The following MAGI1 variants were observed in gnomAD, a reference collection of about 807,000 sequenced individuals.
The protein encoded by MAGI1 is membrane-associated guanylate kinase, WW and PDZ domain-containing protein 1.
Under a neutral mutation model 139.9 loss-of-function variants are expected in MAGI1, and 58 were observed. That is an observed-to-expected ratio of 0.41 (90% confidence interval 0.34 to 0.52). The LOEUF is 0.52. MAGI1 is among the 20% of genes least tolerant of loss of function. The probability of loss-of-function intolerance (pLI) is 0.12; values close to 1 mark genes in which losing one functional copy is unlikely to be tolerated. For missense variants in MAGI1, 1,874 were observed against 1,901.6 expected (o/e 0.99, Z 0.27); for synonymous variants, 812 against 737.9 (o/e 1.10, Z -1.63).
chr3:66,017,285 C>T (rs12634431), intron 1 of MAGI1, among the ~76,000 whole-genome samples: 16,467 of 152,246 alleles, frequency 0.11, 1,022 homozygotes, highest in Middle Eastern at 0.18. Flanking sequence ...GCGCAGGGCG[C>T]GGCTGCAGAT....
chr3:65,751,245 A>G lies in MAGI1; in HGVS notation c.314-129157T>C, dbSNP rs139035700. On this transcript the variant is annotated intron_variant, in intron 1 of 22. Transcript: ENST00000402939. ...TAGCTCAGAGACCTGAAATAAATGT[A>G]AAGATCCTTCAGCTGGAGGCTTCTC... Among the ~76,000 whole-genome samples the G allele has an allele frequency of 6.5e-3, 987 of 152,334 alleles. 28 individuals carry two copies. The highest frequency in any genetic ancestry group is 0.043 in the East Asian group (223 of 5,182).
chr3:65,979,088 T>TCCCCCCCCCCCCCCCC (rs200894076), intron 1 of MAGI1, among the ~76,000 whole-genome samples: 19 of 52,968 alleles, frequency 3.6e-4, no homozygotes, highest in African/African-American at 4.2e-4. Context: ...TTTCTTTTCT[T>TCCCCCCCCCCCCCCCC]CCCCCCCCCC....
intron 1 of MAGI1, among the ~76,000 whole-genome samples, chr3:66,000,414 C>T (rs2066683324): frequency 6.6e-6 from 1 of 152,090 alleles, no homozygotes; most frequent in East Asian, 1.9e-4. Flanking sequence ...TCTTCCTACC[C>T]CAATTAAATT....
chr3:65,806,427 C>CAA (rs59762065), intron 1 of MAGI1, among the ~76,000 whole-genome samples: 29 of 141,750 alleles, frequency 2.0e-4, no homozygotes, highest in African/African-American at 6.9e-4. Flanking sequence ...AACTCCATTT[C>CAA]AAAAAAAAAA....
At chr3:65,704,524 C>T (rs1271001205) in intron 1 of MAGI1, among the ~76,000 whole-genome samples, 2 of 152,156 alleles carry the variant, frequency 1.3e-5, no homozygotes, top group African/African-American at 4.8e-5. Flanking sequence ...TCCTTATTAT[C>T]TCTGTCCAGA....
Position 65,354,747 on chromosome 3 carries a change from C to G in MAGI1, c.*1631G>C, listed in dbSNP as rs903360820. The G allele has an allele frequency of 1.3e-5, 2 of 152,578 alleles. No homozygotes were observed. The highest frequency in any genetic ancestry group is 2.9e-5 in the Non-Finnish European group (2 of 68,028). 9.5% of individuals were successfully genotyped at this position (152,578 alleles called of 1,614,324 possible). On this transcript the variant is annotated 3_prime_UTR_variant, in exon 23 of 23. Coordinates refer to ENST00000402939, the MANE Select transcript of MAGI1 (RefSeq NM_001033057.2). ...TATTCAGAAATATAAACACGTATCACATTCCTCACAGCTAAATTTTGTCAT... is the reference window on the plus strand; with the variant it reads ...TATTCAGAAATATAAACACGTATCAGATTCCTCACAGCTAAATTTTGTCAT...
chr3:65,457,389 G>A (rs1949471080), intron 5 of MAGI1, among the ~76,000 whole-genome samples: 1 of 152,000 alleles, frequency 6.6e-6, no homozygotes. Flanking sequence ...ACCACTCAAA[G>A]ACATCTGGAT....
chr3:66,034,089 C>T (rs1254062032), intron 1 of MAGI1, among the ~76,000 whole-genome samples: 2 of 152,174 alleles, frequency 1.3e-5, no homozygotes, highest in Admixed American at 1.3e-4. Context: ...CCTTGAATCC[C>T]TTAATAAGCC....
At chr3:65,822,096 T>C (rs1017668240) in intron 1 of MAGI1, among the ~76,000 whole-genome samples, 8 of 151,998 alleles carry the variant, frequency 5.3e-5, no homozygotes, top group African/African-American at 1.9e-4. Context: ...GATCAGGTAA[T>C]CCACACTATG....
intron 1 of MAGI1, among the ~76,000 whole-genome samples, chr3:65,647,759 GA>G (rs1248161177): frequency 6.6e-6 from 1 of 152,010 alleles, no homozygotes; most frequent in Non-Finnish European, 1.5e-5. Flanking sequence ...TTCTTTATGT[GA>G]AATTAAAAAA....
chr3:65,541,231 A>T (rs1418025060), intron 2 of MAGI1, among the ~76,000 whole-genome samples: 1 of 152,226 alleles, frequency 6.6e-6, no homozygotes, highest in African/African-American at 2.4e-5. Context: ...GAAGAAGTCG[A>T]ATCCCTGAAA....
chr3:65,798,793 C>CA (rs2108115948), intron 1 of MAGI1, among the ~76,000 whole-genome samples: 1 of 152,238 alleles, frequency 6.6e-6, no homozygotes, highest in South Asian at 2.1e-4. Flanking sequence ...ATAAACAATT[C>CA]ATAAGTTTTA....
chr3:65,368,004 T>C lies in MAGI1; in HGVS notation c.3197-3058A>G, dbSNP rs547885114. ...AGATTTCCAGGATGTTTTTATACTA[T>C]CAATAAAGTTATGCTTGTTTTAATG... On this transcript the variant is annotated intron_variant, in intron 18 of 22. Transcript: ENST00000402939. 3.3e-5 allele frequency among the ~76,000 whole-genome samples: 5 copies of C among 152,324 alleles called. 1 individual carries two copies. The East Asian group carries it at 9.6e-4, about 29-fold the overall frequency.
At chr3:65,404,037 T>C (rs1945128602) in intron 12 of MAGI1, among the ~76,000 whole-genome samples, 1 of 152,184 alleles carries the variant, frequency 6.6e-6, no homozygotes, top group Admixed American at 6.5e-5. Context: ...GAGACAGGTG[T>C]TCCACACACT....
At chr3:65,831,300 C>A (rs1336603992) in intron 1 of MAGI1, among the ~76,000 whole-genome samples, 1 of 152,198 alleles carries the variant, frequency 6.6e-6, no homozygotes, top group African/African-American at 2.4e-5. Context: ...GGAAGATGAA[C>A]AGGGCCACCT....
intron 2 of MAGI1, among the ~76,000 whole-genome samples, chr3:65,581,934 TAGTAGATGTTTGATAAATATC>T (rs2081444573): frequency 6.6e-6 from 1 of 152,166 alleles, no homozygotes; most frequent in Non-Finnish European, 1.5e-5. Flanking sequence ...GCCAGGAACA[TAGTAGATGTTTGATAAATATC>T]TTTTGAAAAA....
intron 1 of MAGI1, among the ~76,000 whole-genome samples, chr3:65,764,483 T>C (rs1416392762): frequency 6.6e-6 from 1 of 152,230 alleles, no homozygotes; most frequent in Non-Finnish European, 1.5e-5. Flanking sequence ...AGAACCAACA[T>C]TTTAGAAGAA....
chr3:65,460,313 T>C (rs967029844), intron 5 of MAGI1, among the ~76,000 whole-genome samples: 3 of 152,218 alleles, frequency 2.0e-5, no homozygotes, highest in Non-Finnish European at 4.4e-5. Flanking sequence ...TATGCCTTTT[T>C]TGTACTGTGT....
intron 1 of MAGI1, among the ~76,000 whole-genome samples, chr3:65,623,391 G>T (rs2083791630): frequency 6.6e-6 from 1 of 152,134 alleles, no homozygotes; most frequent in African/African-American, 2.4e-5. Context: ...ATAGAAAAGA[G>T]ATACATTTGA....
Sources: gnomAD v4.1 joint callset for allele counts (sites outside exome capture counted in the v4.1 genomes callset) on GRCh38, gnomAD v4.1.1 for gene constraint, MANE v1.5 for transcripts, NCBI Gene and HGNC (gene_info 2026-07-23, HGNC 2026-07-21) for gene names.